Variants in DPP10 observed in about 807,000 individuals in gnomAD.
DPP10 encodes the protein dipeptidyl peptidase like 10.
DPP10 carries 33 observed loss-of-function variants against 120.9 expected under a neutral mutation model. That is an observed-to-expected ratio of 0.27 (90% CI 0.21 to 0.37). DPP10 has a LOEUF of 0.37. Among genes scored for constraint, DPP10 ranks in the 10% least tolerant of loss-of-function variants. The pLI is 1.00. For missense variants in DPP10, 816 were observed against 942.8 expected (o/e 0.87, Z 1.76); for synonymous variants, 337 against 326.1 (o/e 1.03, Z -0.36).
intron 5 of DPP10, among the ~76,000 whole-genome samples, chr2:115,643,280 T>G (rs2086938603): frequency 6.6e-6 from 1 of 152,200 alleles, no homozygotes; most frequent in African/African-American, 2.4e-5. Context: ...ATGGTTCTTC[T>G]TAATTGCTCA....
intron 1 of DPP10, among the ~76,000 whole-genome samples, chr2:114,813,825 A>G (rs1000409808): frequency 6.6e-6 from 1 of 151,980 alleles, no homozygotes; most frequent in Non-Finnish European, 1.5e-5. Flanking sequence ...TGGATTCCTC[A>G]TCAAGAATAT....
chr2:115,111,031 A>G (rs1383205349), intron 1 of DPP10, among the ~76,000 whole-genome samples: 1 of 152,222 alleles, frequency 6.6e-6, no homozygotes, highest in African/African-American at 2.4e-5. Flanking sequence ...TTATGTGAAT[A>G]TGCAAACCAA....
chr2:115,113,194 T>C (rs1313695309), intron 1 of DPP10, among the ~76,000 whole-genome samples: 1 of 151,604 alleles, frequency 6.6e-6, no homozygotes, highest in Non-Finnish European at 1.5e-5. Context: ...CAATATATGC[T>C]GTATTTTGGT....
At chr2:114,611,103 T>A (rs1043861101) in intron 1 of DPP10, among the ~76,000 whole-genome samples, 1 of 152,058 alleles carries the variant, frequency 6.6e-6, no homozygotes, top group Admixed American at 6.6e-5. Flanking sequence ...TGGTCTCTTG[T>A]TCTCTATTAA....
rs540462352 is a variant in DPP10 at position 115,585,823 on chromosome 2, G to A, written c.441+59851G>A. On this transcript the variant is annotated intron_variant, in intron 5 of 25. Coordinates refer to ENST00000410059, the MANE Select transcript of DPP10 (RefSeq NM_020868.6). Reference sequence around the variant, plus strand: ...ACGTCGCCACTTCCTCACACAAAAGGCAGCACCCTATACATAGTTCTACAC... The same window carrying A: ...ACGTCGCCACTTCCTCACACAAAAGACAGCACCCTATACATAGTTCTACAC... 2.8e-4 allele frequency among the ~76,000 whole-genome samples: 43 copies of A among 152,084 alleles called. 1 individual carries two copies. The East Asian group carries it at 7.0e-3, about 25-fold the overall frequency.
chr2:115,384,844 T>G (rs1374811388), intron 3 of DPP10, among the ~76,000 whole-genome samples: 1 of 152,132 alleles, frequency 6.6e-6, no homozygotes, highest in East Asian at 1.9e-4. Context: ...TCCACCCAAA[T>G]CTCATCTTGA....
chr2:115,283,042 A>G (rs2060225054), intron 1 of DPP10, among the ~76,000 whole-genome samples: 1 of 151,950 alleles, frequency 6.6e-6, no homozygotes, highest in African/African-American at 2.4e-5. Context: ...TTTATGTATC[A>G]TTCTTGGATT....
At chr2:115,215,815 C>T (rs891763340) in intron 1 of DPP10, among the ~76,000 whole-genome samples, 2 of 152,106 alleles carry the variant, frequency 1.3e-5, no homozygotes, top group Non-Finnish European at 2.9e-5. Flanking sequence ...GGTATCTACC[C>T]CCACAGAACT....
At chr2:115,122,715 T>C (rs574023492) in intron 1 of DPP10, among the ~76,000 whole-genome samples, 7 of 152,274 alleles carry the variant, frequency 4.6e-5, no homozygotes, top group African/African-American at 1.7e-4. Context: ...AACAGGAGAA[T>C]AGGCAGTGCA....
chr2:114,865,916 C>T (rs981161102), intron 1 of DPP10, among the ~76,000 whole-genome samples: 1 of 151,968 alleles, frequency 6.6e-6, no homozygotes, highest in African/African-American at 2.4e-5. Flanking sequence ...AGTTCAAGAC[C>T]AGCCTGACCA....
At chr2:114,627,340 G>C (rs1233086154) in intron 1 of DPP10, among the ~76,000 whole-genome samples, 1 of 152,140 alleles carries the variant, frequency 6.6e-6, no homozygotes, top group African/African-American at 2.4e-5. Context: ...TCAAGCAGTA[G>C]TTCCCTGACC....
chr2:114,952,368 T>C (rs1002075904), intron 1 of DPP10, among the ~76,000 whole-genome samples: 1 of 152,302 alleles, frequency 6.6e-6, no homozygotes, highest in Admixed American at 6.5e-5. Flanking sequence ...AAAACACCTG[T>C]AAACATTCCT....
chr2:114,449,354 C>A (rs1186521036), intron 1 of DPP10, among the ~76,000 whole-genome samples: 2 of 152,030 alleles, frequency 1.3e-5, no homozygotes, highest in Non-Finnish European at 2.9e-5. Flanking sequence ...ACAGACACAG[C>A]ATAATATTAC....
chr2:115,765,900 T>C (rs1388800468), intron 12 of DPP10, among the ~76,000 whole-genome samples: 1 of 152,144 alleles, frequency 6.6e-6, no homozygotes, highest in Non-Finnish European at 1.5e-5. Context: ...GTTACTTATA[T>C]TTTCATGAAT....
At position 114,851,452 on chromosome 2, in the gene DPP10, G is replaced by A. The variant is rs1007128396; in HGVS notation, c.60+408614G>A. On this transcript the variant is annotated intron_variant, in intron 1 of 25. Coordinates refer to ENST00000410059, the MANE Select transcript of DPP10 (RefSeq NM_020868.6). Reference sequence around the variant, plus strand: ...ACAAGTATTGTCATTCCATTTTATAGGAGCTATTTGCATTTTGGATTGCTA... The same window carrying A: ...ACAAGTATTGTCATTCCATTTTATAAGAGCTATTTGCATTTTGGATTGCTA... Among the ~76,000 whole-genome samples, 5 of 152,202 alleles carry A rather than the reference G, an allele frequency of 3.3e-5. No homozygotes were observed. In the East Asian group the frequency reaches 9.6e-4, roughly 29 times the overall value.
chr2:115,068,222 A>T (rs1384538497), intron 1 of DPP10, among the ~76,000 whole-genome samples: 5 of 151,986 alleles, frequency 3.3e-5, no homozygotes, highest in African/African-American at 1.2e-4. Context: ...ACCCTCACCA[A>T]CACTGATTAT....
chr2:115,279,415 T>G (rs2060049589), intron 1 of DPP10, among the ~76,000 whole-genome samples: 1 of 152,106 alleles, frequency 6.6e-6, no homozygotes, highest in Non-Finnish European at 1.5e-5. Context: ...TCAAAATGCC[T>G]AGCATGAATT....
At chr2:115,652,091 T>C (rs1011190201) in intron 5 of DPP10, among the ~76,000 whole-genome samples, 1 of 152,060 alleles carries the variant, frequency 6.6e-6, no homozygotes, top group Non-Finnish European at 1.5e-5. Context: ...TTCTCAGATA[T>C]AATATAGAGG....
At chr2:114,829,080 AG>A (rs1248702059) in intron 1 of DPP10, among the ~76,000 whole-genome samples, 1 of 152,096 alleles carries the variant, frequency 6.6e-6, no homozygotes, top group African/African-American at 2.4e-5. Context: ...CGAGGTCAGG[AG>A]TTCAAGACCA....
Sources: allele counts gnomAD v4.1 joint callset (sites outside exome capture counted in the v4.1 genomes callset), GRCh38; gene constraint gnomAD v4.1.1; transcripts MANE v1.5; gene names NCBI Gene and HGNC (gene_info 2026-07-23, HGNC 2026-07-21).